Variants in DOCK3 observed in about 807,000 individuals in gnomAD.
DOCK3 encodes dedicator of cytokinesis 3.
Under a neutral mutation model 265.6 loss-of-function variants are expected in DOCK3, and 60 were observed. The observed-to-expected ratio is 0.23, with a 90% CI of 0.18 to 0.28. The LOEUF (loss-of-function observed/expected upper bound fraction) is 0.28. Ranked by LOEUF, DOCK3 falls within the 10% of genes least tolerant of loss-of-function variation. The pLI, the probability that DOCK3 is intolerant of heterozygous loss-of-function variation, is 1.00. For synonymous variants in DOCK3, 881 were observed against 938.0 expected (o/e 0.94, Z 1.11); for missense variants, 1,981 against 2,594.3 (o/e 0.76, Z 5.14).
chr3:51,286,067 C>T (rs140972063), intron 27 of DOCK3, among the ~76,000 whole-genome samples: 5 of 152,286 alleles, frequency 3.3e-5, no homozygotes, highest in Non-Finnish European at 5.9e-5. Flanking sequence ...ACCTAGGAAA[C>T]TCCATAACCT....
rs532035003 is a variant in DOCK3, at chr3:50,939,629, A to T, written c.315+5552A>T. ...ATTAACATTCTAAAGAAGAAAAACC[A>T]CTTGATGACATTAGTTGATTCAGGA... On this transcript the variant is annotated intron_variant, in intron 5 of 52. Transcript: ENST00000266037. Among the ~76,000 whole-genome samples the T allele has an allele frequency of 3.2e-4, 48 of 152,270 alleles. No homozygotes were observed. In the South Asian group the frequency reaches 9.7e-3, roughly 31 times the overall value.
Position 51,270,893 on chromosome 3 carries a change from G to A in DOCK3, c.2434G>A (p.Val812Met). Residue 812 changes from valine to methionine, a missense_variant, in exon 24 of 53, where the codon GTG becomes ATG. Physicochemically the swap from Val to Met is conservative, Grantham distance 21. Transcript: ENST00000266037. ...MFTVQEVAEF[V>M]RGTLGSMPST... The stretch of plus-strand genomic sequence containing the variant: ...CACCGTGCAAGAGGTGGCAGAGTTT[G>A]TGAGAGGGACACTGGGGAGCATGCC... 2 of 1,614,062 alleles carry A rather than the reference G, an allele frequency of 1.2e-6. No homozygotes were observed. The highest frequency in any genetic ancestry group is 1.7e-6 in the Non-Finnish European group (2 of 1,179,898).
intron 46 of DOCK3, 22 bp downstream of exon 46, chr3:51,358,099 C>A (rs770294916): frequency 6.2e-7 from 1 of 1,607,992 alleles, no homozygotes; most frequent in Non-Finnish European, 8.5e-7. Flanking sequence ...CCTGTCCTGC[C>A]CCTGCTGCAG....
intron 3 of DOCK3, among the ~76,000 whole-genome samples, chr3:50,842,983 G>A (rs922799498): frequency 2.0e-5 from 3 of 152,146 alleles, no homozygotes; most frequent in Non-Finnish European, 2.9e-5. Context: ...TAGTGTTTGA[G>A]GATCAGCGCG....
chr3:51,314,829 G>A, intron 31 of DOCK3, 151 bp from the exon 32 acceptor site: 1 of 934,250 alleles, frequency 1.1e-6, no homozygotes, highest in Non-Finnish European at 1.4e-6. Context: ...CTAAAAAGTT[G>A]AGGGAGAGTA....
chr3:51,276,239 A>G (rs2080812814), intron 25 of DOCK3: 3 of 377,598 alleles, frequency 7.9e-6, no homozygotes, highest in African/African-American at 2.2e-5. Flanking sequence ...AGTGACTATG[A>G]TGGTGATAAT....
chr3:50,719,299 C>T (rs73833247), intron 1 of DOCK3, among the ~76,000 whole-genome samples: 3,661 of 141,982 alleles, frequency 0.026, 175 homozygotes, highest in African/African-American at 0.091. Flanking sequence ...TTATTTCATA[C>T]TCATAAACTT....
intron 5 of DOCK3, among the ~76,000 whole-genome samples, chr3:51,040,114 T>C (rs2109017537): frequency 6.6e-6 from 1 of 152,150 alleles, no homozygotes; most frequent in South Asian, 2.1e-4. Context: ...AATCAATCTG[T>C]TTGTACTTCA....
chr3:50,708,260 A>C (rs1391203216), intron 1 of DOCK3, among the ~76,000 whole-genome samples: 1 of 152,142 alleles, frequency 6.6e-6, no homozygotes, highest in Non-Finnish European at 1.5e-5. Context: ...GGTTGCTGTC[A>C]GTGGCAGTGG....
chr3:50,855,246 C>G (rs1265619571), intron 3 of DOCK3, among the ~76,000 whole-genome samples: 2 of 152,054 alleles, frequency 1.3e-5, no homozygotes, highest in Non-Finnish European at 1.5e-5. Flanking sequence ...TGATACAGAT[C>G]TTTGAATTAG....
At chr3:50,971,020 G>A (rs2077217844) in intron 5 of DOCK3, among the ~76,000 whole-genome samples, 2 of 36,342 alleles carry the variant, frequency 5.5e-5, no homozygotes, top group Admixed American at 6.6e-4. Context: ...TTTGAGATAG[G>A]GGACTCACTA....
intron 1 of DOCK3, among the ~76,000 whole-genome samples, chr3:50,700,272 T>C (rs1386204431): frequency 2.6e-5 from 4 of 152,194 alleles, no homozygotes; most frequent in Admixed American, 6.5e-5. Context: ...AGAGTGAAAC[T>C]CTGTGTCAAA....
At position 50,841,744 on chromosome 3, in the gene DOCK3, T is replaced by TTTTTTTTTTTTTTTTTTGAG. The variant is rs778935832; in HGVS notation, c.162+29_162+30insTTTTTTTTTTTTTTTTTGAG. Reference sequence around the variant, plus strand: ...ATGAAAAGTTTATTGTTACCTTTTCTAATGTAGGAAGGAACTACCTTGTAT... The same window carrying TTTTTTTTTTTTTTTTTTGAG: ...ATGAAAAGTTTATTGTTACCTTTTCTTTTTTTTTTTTTTTTTTGAGAATGTAGGAAGGAACTACCTTGTAT... On this transcript the variant is annotated intron_variant, in intron 3 of 52. Transcript: ENST00000266037. The TTTTTTTTTTTTTTTTTTGAG allele has an allele frequency of 1.9e-5, 10 of 520,328 alleles. 1 individual carries two copies. The highest frequency in any genetic ancestry group is 3.1e-5 in the Non-Finnish European group (10 of 321,780). The allele number at this position is 520,328 out of a possible 1,614,324, so 32.2% of individuals were successfully genotyped here. A position where few individuals can be genotyped will look rare whatever the true frequency, so the allele number is the denominator to read the frequency against.
intron 3 of DOCK3, among the ~76,000 whole-genome samples, chr3:50,869,372 T>C: frequency 1.6e-5 from 1 of 62,468 alleles, no homozygotes; most frequent in Non-Finnish European, 3.0e-5. Flanking sequence ...TTTTTTTTTT[T>C]TTTTTTTTTT....
chr3:51,362,397 C>T, intron 48 of DOCK3, 130 bp from the exon 49 acceptor site: 2 of 1,229,972 alleles, frequency 1.6e-6, no homozygotes, highest in Non-Finnish European at 2.3e-6. Context: ...GCCTGGCCTC[C>T]ATCAGGGCTC....
Position 50,675,316 on chromosome 3 carries a change from GC to G in DOCK3, c.37+18del. 8.0e-7 allele frequency: 1 copy of G among 1,254,634 alleles called. No homozygotes were observed. Among genetic ancestry groups the G allele is most frequent in the Non-Finnish European group, 1.0e-6 (1 of 985,846 alleles). 77.7% of individuals were successfully genotyped at this position (1,254,634 alleles called of 1,614,324 possible). ...TACGGCGTAGGTAGGTGAGGCTCAG[GC>G]CTGGCCGTGGCGGGGGTTCTGGGGG... On this transcript the variant is annotated intron_variant, in intron 1 of 52. Transcript: ENST00000266037. This position sits in a 1 kb window ranked among gnomAD's most constrained non-coding sequence, Gnocchi z 6.1.
intron 27 of DOCK3, among the ~76,000 whole-genome samples, chr3:51,308,186 T>C (rs1180923006): frequency 6.6e-6 from 1 of 151,896 alleles, no homozygotes; most frequent in Non-Finnish European, 1.5e-5. Context: ...AAGTTAAAAA[T>C]GCAACAAAAC....
chr3:50,888,245 A>G (rs1026335684), intron 3 of DOCK3, among the ~76,000 whole-genome samples: 4 of 151,988 alleles, frequency 2.6e-5, no homozygotes, highest in South Asian at 2.1e-4. Context: ...AATCATGAGT[A>G]AACTCCCATT....
intron 11 of DOCK3, among the ~76,000 whole-genome samples, chr3:51,160,035 A>G (rs2086054690): frequency 6.6e-6 from 1 of 152,224 alleles, no homozygotes; most frequent in South Asian, 2.1e-4. Flanking sequence ...CACTGTAGGC[A>G]CAGCTTTGGT....
Sources: gnomAD v4.1 joint callset for allele counts (sites outside exome capture counted in the v4.1 genomes callset) on GRCh38, gnomAD v4.1.1 for gene constraint, Gnocchi (gnomAD v3.1) non-coding constraint, MANE v1.5 for transcripts, NCBI Gene and HGNC (gene_info 2026-07-23, HGNC 2026-07-21) for gene names.